ZNF248: variants seen among roughly 807,000 people sequenced by gnomAD.
ZNF248 encodes the protein zinc finger protein 248, also known as KRAB protein domain.
In ZNF248, 20 loss-of-function variants were observed where a neutral mutation model predicts 44.3. The observed-to-expected ratio is 0.45, with a 90% confidence interval of 0.32 to 0.66. The LOEUF (loss-of-function observed/expected upper bound fraction) is 0.66. Among genes scored for constraint, ZNF248 ranks in the 30% least tolerant of loss-of-function variants. The probability of loss-of-function intolerance (pLI) is 0.04; values close to 1 mark genes in which losing one functional copy is unlikely to be tolerated. For synonymous variants in ZNF248, 224 were observed against 229.0 expected, an observed-to-expected ratio of 0.98 and a Z score of 0.20; for missense variants, 654 against 677.0, an observed-to-expected ratio of 0.97 and a Z score of 0.38.
chr10:37,820,532 G>C (rs1677194309), intron 6 of ZNF248: 1 of 1,601,866 alleles, frequency 6.2e-7, no homozygotes, highest in Admixed American at 1.7e-5. Flanking sequence ...TGCAACTGGT[G>C]CAACACTTCT....
At chr10:37,787,295 T>C (rs1490212407) in intron 6 of ZNF248, among the ~76,000 whole-genome samples, 2 of 151,082 alleles carry the variant, frequency 1.3e-5, no homozygotes, top group East Asian at 1.9e-4. Context: ...AAAAAAATAA[T>C]AATAATAAGT....
chr10:37,766,133 C>G, the ZNF248 span, among the ~76,000 whole-genome samples: 4 of 152,254 alleles, frequency 2.6e-5, no homozygotes, highest in Non-Finnish European at 5.9e-5. Flanking sequence ...GTGGAGCCCA[C>G]CACAGCTCAA....
the ZNF248 span, among the ~76,000 whole-genome samples, chr10:37,766,907 A>C: frequency 3.3e-4 from 50 of 152,302 alleles, no homozygotes; most frequent in Middle Eastern, 0.01. Context: ...AACTAGAATA[A>C]CCAACACAGA....
chr10:37,837,881 G>A, intron 4 of ZNF248, 104 bp downstream of exon 4: 1 of 1,476,828 alleles, frequency 6.8e-7, no homozygotes, highest in Non-Finnish European at 9.2e-7. Context: ...AATGGGATCA[G>A]TCATCTCAGA....
chr10:37,843,403 G>A (rs866509908), intron 3 of ZNF248, among the ~76,000 whole-genome samples: 51 of 142,010 alleles, frequency 3.6e-4, no homozygotes, highest in African/African-American at 1.2e-3. Flanking sequence ...CCAGCCTGGC[G>A]ACAGAGCAAG....
chr10:37,845,894 A>AT (rs2059244073), intron 3 of ZNF248, among the ~76,000 whole-genome samples: 1 of 152,212 alleles, frequency 6.6e-6, no homozygotes, highest in Non-Finnish European at 1.5e-5. Flanking sequence ...AGCAAAAATA[A>AT]AAAATAAAAT....
rs146915312 is a variant in ZNF248, at chr10:37,805,614, G to A, written c.330+27411C>T. Among the ~76,000 whole-genome samples the A allele has an allele frequency of 8.5e-5, 13 of 152,106 alleles. 1 individual carries two copies. The highest frequency in any genetic ancestry group is 2.6e-4 in the Admixed American group (4 of 15,272). ...TTTCTTGATTTACAAATCGCTGTTC[G>A]CTCAAATAAACTCTCCAAAATTTTT... On this transcript the variant is annotated intron_variant, in intron 6 of 6. Transcript: ENST00000615949.
At chr10:37,856,954 G>A (rs918948947) in intron 1 of ZNF248, 1 of 154,794 alleles carries the variant, frequency 6.5e-6, no homozygotes, top group East Asian at 1.9e-4. Flanking sequence ...TTCAAATAAG[G>A]TCAAAACAGA....
intron 5 of ZNF248, among the ~76,000 whole-genome samples, chr10:37,835,631 A>G (rs79267021): frequency 6.6e-6 from 1 of 152,282 alleles, no homozygotes; most frequent in East Asian, 1.9e-4. Flanking sequence ...AGAAGAGGGA[A>G]GAGGAAAAGA....
chr10:37,834,371 G>A lies in ZNF248; in HGVS notation c.239-1255C>T, dbSNP rs148780751. Reference sequence around the variant, plus strand: ...CTGTACATTATTCTTATAAAGCAACGTGCACTGAATTATTTCCAACCTGCA... The same window carrying A: ...CTGTACATTATTCTTATAAAGCAACATGCACTGAATTATTTCCAACCTGCA... On this transcript the variant is annotated intron_variant, in intron 5 of 5. Transcript: ENST00000395867. Among the ~76,000 whole-genome samples, 364 of 152,150 alleles carry A rather than the reference G, an allele frequency of 2.4e-3. 1 individual carries two copies. The highest frequency in any genetic ancestry group is 3.0e-3 in the Non-Finnish European group (204 of 67,986).
At chr10:37,856,811 T>G (rs984791451) in intron 1 of ZNF248, 2 of 784,238 alleles carry the variant, frequency 2.6e-6, no homozygotes, top group African/African-American at 3.8e-5. Flanking sequence ...TGAGAAACTG[T>G]GATATAGAGT....
intron 3 of ZNF248, among the ~76,000 whole-genome samples, chr10:37,839,500 TACACAA>T (rs370530815): frequency 0.065 from 9,044 of 139,246 alleles, 349 homozygotes; most frequent in Middle Eastern, 0.1. Flanking sequence ...TATACATGTA[TACACAA>T]ACACACACAC....
chr10:37,856,236 C>T lies in ZNF248; in HGVS notation c.15+60G>A, dbSNP rs369471183. ...TTTTTCCATTTTCAAAACATAAACCCTTATAAACTTCAGAAATCCATTTTT... is the reference window on the plus strand; with the variant it reads ...TTTTTCCATTTTCAAAACATAAACCTTTATAAACTTCAGAAATCCATTTTT... On this transcript the variant is annotated intron_variant, in intron 3 of 5. Transcript: ENST00000395867. 5 of 1,582,330 alleles carry T rather than the reference C, an allele frequency of 3.2e-6. No homozygotes were observed. The African/African-American group carries it at 4.0e-5, about 13-fold the overall frequency.
chr10:37,855,405 A>G (rs1450142715), intron 3 of ZNF248, among the ~76,000 whole-genome samples: 1 of 152,108 alleles, frequency 6.6e-6, no homozygotes, highest in East Asian at 1.9e-4. Context: ...ATGTATTATT[A>G]CATTAATGTA....
At chr10:37,857,856 C>A, upstream of ZNF248, 1 of 152,586 alleles carries the variant, frequency 6.6e-6, no homozygotes, top group Non-Finnish European at 1.5e-5. Flanking sequence ...CCACGCCAGA[C>A]CTCATCCCCT....
chr10:37,840,118 T>C (rs1166549356), intron 3 of ZNF248, among the ~76,000 whole-genome samples: 2 of 152,188 alleles, frequency 1.3e-5, no homozygotes, highest in East Asian at 3.9e-4. Context: ...TTTTTAAATG[T>C]TTTAAATGAA....
At chr10:37,801,114 C>T (rs1162876194) in intron 6 of ZNF248, among the ~76,000 whole-genome samples, 5 of 151,836 alleles carry the variant, frequency 3.3e-5, no homozygotes, top group South Asian at 2.1e-4. Context: ...CAGTGGCTCA[C>T]GCCTATAATC....
rs550189944 is a variant in ZNF248 at position 37,832,750 on chromosome 10, T to C, written c.605A>G (p.His202Arg). ...YDQKRNAINY[H>R]QDLSQPSFGQ... ...AAAACTTGGCTGACTGAGATCCTGG[T>C]GATAATTAATGGCATTCCTTTTTTG... The change falls in exon 6 of 6, where the codon CAC becomes CGC. Residue 202 changes from histidine to arginine, a missense_variant. His to Arg is a conservative substitution (Grantham distance 29, BLOSUM62 0). Coordinates refer to ENST00000395867, the MANE Select transcript of ZNF248 (RefSeq NM_021045.3). 6.2e-7 allele frequency: 1 copy of C among 1,613,624 alleles called. No homozygotes were observed. Among genetic ancestry groups the C allele is most frequent in the Non-Finnish European group, 8.5e-7 (1 of 1,179,874 alleles).
downstream of ZNF248, among the ~76,000 whole-genome samples, chr10:37,827,657 G>C (rs2054595006): frequency 6.6e-6 from 1 of 152,116 alleles, no homozygotes; most frequent in Non-Finnish European, 1.5e-5. Flanking sequence ...AGATTCAGTG[G>C]AAAAATAGGA....
Sources: allele counts gnomAD v4.1 joint callset (sites outside exome capture counted in the v4.1 genomes callset), GRCh38; gene constraint gnomAD v4.1.1; transcripts MANE v1.5; gene names NCBI Gene and HGNC (gene_info 2026-07-23, HGNC 2026-07-21).